CDC16: variants seen among roughly 807,000 people sequenced by gnomAD.
CDC16 encodes cell division cycle 16, also known as cell division cycle protein 16 homolog.
CDC16 carries 34 observed loss-of-function variants against 87.0 expected under a neutral mutation model. That is an observed-to-expected ratio of 0.39 (90% CI 0.30 to 0.52). CDC16 has a LOEUF of 0.52. CDC16 is among the 20% of genes least tolerant of loss of function. CDC16 has a pLI of 0.74. For missense variants in CDC16, 653 were observed against 751.9 expected (o/e 0.87, Z 1.54); for synonymous variants, 263 against 260.6 (o/e 1.01, Z -0.09).
chr13:114,243,485 A>C, intron 7 of CDC16, 137 bp downstream of exon 7: 1 of 513,418 alleles, frequency 1.9e-6, no homozygotes, highest in Non-Finnish European at 3.4e-6. Context: ...AGCGTTTAAG[A>C]TACATAAGAT....
At chr13:114,249,034 A>G (rs778531962) in intron 11 of CDC16, among the ~76,000 whole-genome samples, 7 of 151,724 alleles carry the variant, frequency 4.6e-5, no homozygotes, top group African/African-American at 9.7e-5. Context: ...GCTTTTTTCT[A>G]TTATTATTAC....
chr13:114,250,147 C>T (rs572608845), intron 11 of CDC16, among the ~76,000 whole-genome samples: 57 of 152,210 alleles, frequency 3.7e-4, no homozygotes, highest in Admixed American at 5.9e-4. Context: ...ATGATCATAC[C>T]ACTGCATTCC....
intron 10 of CDC16, 101 bp from the exon 11 acceptor site, chr13:114,246,830 A>G (rs2081898147): frequency 4.0e-6 from 3 of 758,544 alleles, no homozygotes; most frequent in Non-Finnish European, 7.2e-6. Flanking sequence ...ATATGTGATA[A>G]GGAACATGTA....
chr13:114,239,262 ATAGT>A (rs2081419520), intron 4 of CDC16, 84 bp from the exon 5 acceptor site: 1 of 1,508,844 alleles, frequency 6.6e-7, no homozygotes, highest in Non-Finnish European at 8.9e-7. Context: ...AATAATGGGC[ATAGT>A]ATATGTTATC....
chr13:114,255,379 C>T (rs1335414247), intron 12 of CDC16, among the ~76,000 whole-genome samples: 2 of 152,110 alleles, frequency 1.3e-5, no homozygotes, highest in Admixed American at 6.5e-5. Context: ...TGCTGTCACC[C>T]GCTTCCTATT....
intron 2 of CDC16, 46 bp from the exon 3 acceptor site, chr13:114,236,753 A>AT: frequency 6.2e-7 from 1 of 1,612,910 alleles, no homozygotes; most frequent in Non-Finnish European, 8.5e-7. Context: ...TTCGTTTTCT[A>AT]TTTCACCTTG....
chr13:114,251,168 T>TA (rs2082153172), intron 12 of CDC16, among the ~76,000 whole-genome samples: 1 of 152,136 alleles, frequency 6.6e-6, no homozygotes, highest in South Asian at 2.1e-4. Context: ...GGTTACAACT[T>TA]ACAGGGTTGG....
At chr13:114,264,485 G>A (rs988559668) in intron 16 of CDC16, among the ~76,000 whole-genome samples, 8 of 151,948 alleles carry the variant, frequency 5.3e-5, no homozygotes, top group Non-Finnish European at 7.4e-5. Flanking sequence ...GCTTGAACCC[G>A]GGAGGCGGAG....
intron 11 of CDC16, 60 bp from the exon 12 acceptor site, chr13:114,250,489 C>G: frequency 7.5e-7 from 1 of 1,331,586 alleles, no homozygotes; most frequent in Non-Finnish European, 1.0e-6. Context: ...GAGACTTTGT[C>G]TCAAAAAAAA....
chr13:114,257,369 A>G lies in CDC16; in HGVS notation c.1250+139A>G, dbSNP rs1023907706. 1.0e-5 allele frequency: 6 copies of G among 593,202 alleles called. No homozygotes were observed. The Admixed American group carries it at 1.3e-4, about 13-fold the overall frequency. The allele number at this position is 593,202 out of a possible 1,614,324, so 36.7% of individuals were successfully genotyped here. On this transcript the variant is annotated intron_variant, in intron 13 of 17. Coordinates refer to ENST00000356221, the MANE Select transcript of CDC16 (RefSeq NM_001078645.3). Reference sequence around the variant, plus strand: ...GTTCTATTTTAGGAGAAGGAGATAGAAAAAAAAGAGAGAAACTGTTATCTT... The same window carrying G: ...GTTCTATTTTAGGAGAAGGAGATAGGAAAAAAAGAGAGAAACTGTTATCTT...
intron 16 of CDC16, 130 bp from the exon 17 acceptor site, chr13:114,265,020 G>A: frequency 1.5e-6 from 1 of 685,206 alleles, no homozygotes; most frequent in Non-Finnish European, 2.7e-6. Context: ...TTTGGTTCAT[G>A]GCCAGTCATG....
rs1193041191 is a variant in CDC16 at position 114,265,159 on chromosome 13, C to G, written c.1522C>G (p.Leu508Val). 2 of 1,607,766 alleles carry G rather than the reference C, an allele frequency of 1.2e-6. No homozygotes were observed. The highest frequency in any genetic ancestry group is 1.7e-6 in the Non-Finnish European group (2 of 1,174,332). The change falls in exon 17 of 18, where the codon CTT becomes GTT. Residue 508 changes from leucine to valine, a missense_variant. Leu to Val is a conservative substitution (Grantham distance 32). Transcript: ENST00000356221. ...AVDYFHTALGLRRDDTFSVTM... is the reference protein window; with the variant it reads ...AVDYFHTALGVRRDDTFSVTM... ...GAATCTTTTATGGCAGGCCCTTGGT[C>G]TTAGGCGAGATGATACATTTTCTGT... is the stretch of plus-strand genomic sequence containing the variant.
chr13:114,241,059 C>G (rs768741730), intron 5 of CDC16, among the ~76,000 whole-genome samples: 6 of 152,078 alleles, frequency 3.9e-5, no homozygotes, highest in Non-Finnish European at 8.8e-5. Context: ...CTGCCTGTTG[C>G]TGGATCATCT....
At chr13:114,250,807 C>T (rs1243394069) in intron 12 of CDC16, 133 bp downstream of exon 12, 3 of 857,256 alleles carry the variant, frequency 3.5e-6, no homozygotes, top group Non-Finnish European at 5.3e-6. Flanking sequence ...AATCTAGTTG[C>T]TTGTGATTGT....
At chr13:114,266,955 C>G (rs1482571702) in intron 17 of CDC16, among the ~76,000 whole-genome samples, 3 of 152,168 alleles carry the variant, frequency 2.0e-5, no homozygotes, top group Admixed American at 6.5e-5. Flanking sequence ...CTCGGCCTCC[C>G]AAAGTGCTGG....
chr13:114,247,108 A>T (rs1471842092), intron 11 of CDC16, 104 bp downstream of exon 11: 1 of 717,006 alleles, frequency 1.4e-6, no homozygotes, highest in Non-Finnish European at 2.4e-6. Flanking sequence ...AATGTGAAAG[A>T]ATAAATGTTT....
intron 12 of CDC16, among the ~76,000 whole-genome samples, chr13:114,251,454 T>A (rs2082171813): frequency 6.6e-6 from 1 of 152,236 alleles, no homozygotes; most frequent in African/African-American, 2.4e-5. Context: ...TCAGTGAAAG[T>A]TAGCTACTTG....
At position 114,263,033 on chromosome 13, in the gene CDC16, C is replaced by T; in HGVS notation, c.1512+19C>T. 6.2e-7 allele frequency: 1 copy of T among 1,609,100 alleles called. No homozygotes were observed. The highest frequency in any genetic ancestry group is 8.5e-7 in the Non-Finnish European group (1 of 1,175,742). On this transcript the variant is annotated intron_variant, in intron 16 of 17. Transcript: ENST00000356221. ...CCACACAGTATGTCTTTTCTTTGTACCTAATTTTAAATCTGGTTAACATTG... is the reference window on the plus strand; with the variant it reads ...CCACACAGTATGTCTTTTCTTTGTATCTAATTTTAAATCTGGTTAACATTG...
At chr13:114,259,747 C>T (rs1418119045) in intron 14 of CDC16, among the ~76,000 whole-genome samples, 1 of 152,224 alleles carries the variant, frequency 6.6e-6, no homozygotes, top group Non-Finnish European at 1.5e-5. Context: ...TCTAGAACTT[C>T]AGAGAGCTTC....
Sources: gnomAD v4.1 joint callset for allele counts (sites outside exome capture counted in the v4.1 genomes callset) on GRCh38, gnomAD v4.1.1 for gene constraint, MANE v1.5 for transcripts, NCBI Gene and HGNC (gene_info 2026-07-23, HGNC 2026-07-21) for gene names.